Variants in RDX observed in about 807,000 individuals in gnomAD.
RDX encodes the protein radixin, also known as deafness, autosomal recessive 24.
In RDX, 32 loss-of-function variants were observed where a neutral mutation model predicts 83.7. The observed-to-expected ratio is 0.38, with a 90% confidence interval of 0.29 to 0.51. The LOEUF is 0.51. Ranked by LOEUF, RDX falls within the 20% of genes least tolerant of loss-of-function variation. The probability of loss-of-function intolerance (pLI) is 0.87; values close to 1 mark genes in which losing one functional copy is unlikely to be tolerated. For missense variants in RDX, 600 were observed against 689.9 expected (o/e 0.87, Z 1.46); for synonymous variants, 229 against 222.7 (o/e 1.03, Z -0.25).
chr11:110,203,854 T>C (rs535917789), intron 14 of RDX, among the ~76,000 whole-genome samples: 1 of 152,216 alleles, frequency 6.6e-6, no homozygotes, highest in Admixed American at 6.5e-5. Flanking sequence ...TATATGTATG[T>C]AAAAGGAAGT....
chr11:110,218,103 G>A (rs181902249), intron 14 of RDX, among the ~76,000 whole-genome samples: 1 of 152,326 alleles, frequency 6.6e-6, no homozygotes, highest in Admixed American at 6.5e-5. Flanking sequence ...CATAATCTCA[G>A]TGACTTGAGC....
At chr11:110,263,137 T>C (rs1284986008) in intron 5 of RDX, among the ~76,000 whole-genome samples, 1 of 152,034 alleles carries the variant, frequency 6.6e-6, no homozygotes, top group Non-Finnish European at 1.5e-5. Context: ...TAGCTGGGCA[T>C]GGCGGCAGAT....
At chr11:110,184,200 T>A (rs1862942052) in intron 15 of RDX, among the ~76,000 whole-genome samples, 1 of 152,202 alleles carries the variant, frequency 6.6e-6, no homozygotes, top group Non-Finnish European at 1.5e-5. Context: ...GCAACAGGGA[T>A]GTTCACCAAA....
chr11:110,193,945 C>T (rs962561423), intron 15 of RDX, among the ~76,000 whole-genome samples: 1 of 152,202 alleles, frequency 6.6e-6, no homozygotes, highest in African/African-American at 2.4e-5. Context: ...TAATAACGTC[C>T]CTTCATATCA....
Position 110,237,691 on chromosome 11 carries a change from C to T in RDX, c.1091-39G>A, listed in dbSNP as rs779043049. 1.9e-6 allele frequency: 3 copies of T among 1,600,084 alleles called. No homozygotes were observed. In the Admixed American group the frequency reaches 5.0e-5, roughly 27 times the overall value. ...GTATTCCCCCCAACAGTGATTAATT[C>T]CAATCATTCTCATTATCAAAAGAAG... On this transcript the variant is annotated intron_variant, in intron 10 of 13. Coordinates refer to ENST00000645495, the MANE Select transcript of RDX (RefSeq NM_002906.4).
intron 15 of RDX, among the ~76,000 whole-genome samples, chr11:110,196,604 G>C (rs1168300334): frequency 6.6e-6 from 1 of 152,250 alleles, no homozygotes; most frequent in African/African-American, 2.4e-5. Context: ...CAGGGCGTGT[G>C]TGCTTAGGGA....
intron 1 of RDX, among the ~76,000 whole-genome samples, chr11:110,281,600 T>A (rs934485614): frequency 3.9e-5 from 6 of 152,206 alleles, no homozygotes; most frequent in Non-Finnish European, 8.8e-5. Flanking sequence ...GTGCTGGGAT[T>A]ACAGGCATGA....
chr11:110,259,897 CACTA>C (rs1380163426), intron 5 of RDX, among the ~76,000 whole-genome samples: 1 of 151,812 alleles, frequency 6.6e-6, no homozygotes, highest in Non-Finnish European at 1.5e-5. Flanking sequence ...GTCCATTATA[CACTA>C]ACCTCAATTT....
At chr11:110,247,899 C>T (rs573887388) in intron 9 of RDX, 66 bp from the exon 10 acceptor site, 28 of 1,498,458 alleles carry the variant, frequency 1.9e-5, no homozygotes, top group East Asian at 2.5e-5. Context: ...TGATGGAATA[C>T]TACTCTGCCA....
chr11:110,257,939 A>G (rs1346644095), intron 6 of RDX, 26 bp from the exon 7 acceptor site: 1 of 1,603,884 alleles, frequency 6.2e-7, no homozygotes, highest in South Asian at 1.1e-5. Flanking sequence ...TAAATGTAAT[A>G]TATTTAAGTA....
intron 14 of RDX, among the ~76,000 whole-genome samples, chr11:110,212,330 G>T (rs1268939657): frequency 0.022 from 3,263 of 146,246 alleles, 111 homozygotes; most frequent in African/African-American, 0.076. Flanking sequence ...AGCTGAAATT[G>T]TGGCAATAAT....
intron 4 of RDX, among the ~76,000 whole-genome samples, 181 bp downstream of exon 4, chr11:110,264,598 T>A (rs1859943308): frequency 1.3e-5 from 2 of 151,936 alleles, no homozygotes; most frequent in African/African-American, 4.8e-5. Context: ...TTTCTTTTTT[T>A]TTTTTTTGAG....
At chr11:110,269,459 G>T (rs1397636583) in intron 3 of RDX, among the ~76,000 whole-genome samples, 1 of 152,138 alleles carries the variant, frequency 6.6e-6, no homozygotes, top group Non-Finnish European at 1.5e-5. Context: ...ACACAGAGCA[G>T]CTGGCCTCGA....
intron 1 of RDX, among the ~76,000 whole-genome samples, chr11:110,284,848 T>G (rs1321978563): frequency 6.6e-6 from 1 of 152,162 alleles, no homozygotes; most frequent in East Asian, 1.9e-4. Flanking sequence ...AAAAAGGATG[T>G]CTGAATACAC....
intron 15 of RDX, among the ~76,000 whole-genome samples, chr11:110,183,352 C>G (rs544933247): frequency 6.6e-6 from 1 of 152,140 alleles, no homozygotes; most frequent in Non-Finnish European, 1.5e-5. Flanking sequence ...AAAGTTCTTG[C>G]GTTCTTGCTC....
chr11:110,269,390 G>C (rs552720792), intron 3 of RDX, among the ~76,000 whole-genome samples: 11 of 152,304 alleles, frequency 7.2e-5, no homozygotes, highest in Middle Eastern at 6.8e-3. Flanking sequence ...GAGAAGGCTA[G>C]TCAAGAAAAA....
At position 110,220,687 on chromosome 11, in the gene RDX, A is replaced by G. The variant is rs570005741; in HGVS notation, c.1748+11186T>C. Among the ~76,000 whole-genome samples, 4 of 152,142 alleles carry G rather than the reference A, an allele frequency of 2.6e-5. No individual in the cohort carries two copies. The South Asian group carries it at 8.3e-4, about 32-fold the overall frequency. On this transcript the variant is annotated intron_variant, in intron 14 of 15. Transcript: ENST00000528498. ...CTAATTTTTGTATTTTTAGTAGAGC[A>G]GGGTTCCACCATGTTGGCCAGGCTG...
rs548274140 is a variant in RDX, at chr11:110,204,666, G to A, written c.1749-4988C>T. 3.3e-5 allele frequency among the ~76,000 whole-genome samples: 5 copies of A among 151,908 alleles called. No homozygotes were observed. The South Asian group carries it at 6.2e-4, about 19-fold the overall frequency. On this transcript the variant is annotated intron_variant, in intron 14 of 15. Transcript: ENST00000528498. ...CGAGTAGCTGCGATTACAGGCACAC[G>A]CCACCATGCCCGGTTAATTTTTGTA...
chr11:110,215,633 T>C (rs1864024268), intron 14 of RDX, among the ~76,000 whole-genome samples: 2 of 152,140 alleles, frequency 1.3e-5, no homozygotes, highest in Admixed American at 6.5e-5. Flanking sequence ...TTTAAAGCAG[T>C]CTTCTTTGGC....
Sources: allele counts gnomAD v4.1 joint callset (sites outside exome capture counted in the v4.1 genomes callset), GRCh38; gene constraint gnomAD v4.1.1; transcripts MANE v1.5; gene names NCBI Gene and HGNC (gene_info 2026-07-23, HGNC 2026-07-21).